Variants in GLDN observed in about 807,000 individuals in gnomAD.
GLDN encodes gliomedin, also known as collomin.
GLDN carries 47 observed loss-of-function variants against 56.5 expected under a neutral mutation model. That is an observed-to-expected ratio of 0.83 (90% CI 0.66 to 1.06). The LOEUF is 1.06. Among genes scored for constraint, GLDN ranks in the 50% least tolerant of loss-of-function variants. GLDN has a pLI of 0.00. For synonymous variants in GLDN, 332 were observed against 278.8 expected (o/e 1.19, Z -1.90); for missense variants, 782 against 714.3 (o/e 1.09, Z -1.08).
chr15:51,406,666 G>A lies in GLDN; in HGVS notation c.*1912G>A, dbSNP rs1301753153. The A allele has an allele frequency of 2.6e-5, 4 of 152,234 alleles. No individual in the cohort carries two copies. In the East Asian group the frequency reaches 7.7e-4, roughly 29 times the overall value. The allele number at this position is 152,234 out of a possible 1,614,324, so 9.4% of individuals were successfully genotyped here. On this transcript the variant is annotated 3_prime_UTR_variant, in exon 10 of 10. Coordinates refer to ENST00000335449, the MANE Select transcript of GLDN (RefSeq NM_181789.4). The stretch of plus-strand genomic sequence containing the variant: ...AAATATAAGAAAATAAAACTTAGGG[G>A]ATATACAGATTTAAATATTCAAATC...
chr15:51,398,195 C>T (rs2141128075), intron 6 of GLDN, among the ~76,000 whole-genome samples: 1 of 152,356 alleles, frequency 6.6e-6, no homozygotes, highest in Non-Finnish European at 1.5e-5. Flanking sequence ...CCCAGCTCTG[C>T]CTAACTGTAA....
intron 1 of GLDN, among the ~76,000 whole-genome samples, chr15:51,345,210 G>T (rs887987319): frequency 6.6e-6 from 1 of 152,158 alleles, no homozygotes; most frequent in African/African-American, 2.4e-5. Context: ...ATTTGCTGAT[G>T]TTCTGGTAGC....
chr15:51,377,461 G>A lies in GLDN; in HGVS notation c.376G>A (p.Val126Met), dbSNP rs533812739. Residue 126 changes from valine (V) to methionine (M), a missense_variant, in exon 2 of 10, where the codon GTG becomes ATG. Physicochemically the swap from Val to Met is conservative, Grantham distance 21. Coordinates refer to ENST00000335449, the MANE Select transcript of GLDN (RefSeq NM_181789.4). ...TYSMVPIRVMVDLCNSTKGIC... is the reference protein window; with the variant it reads ...TYSMVPIRVMMDLCNSTKGIC... ...CTCTCCCCTGCAGATCCGAGTGATG[G>A]TGGACCTGTGCAACAGCACCAAGGG... 344 of 1,613,962 alleles carry A rather than the reference G, an allele frequency of 2.1e-4. 3 individuals are homozygous for A. The South Asian group carries it at 3.0e-3, about 14-fold the overall frequency.
At chr15:51,369,011 C>T (rs1230317831) in intron 1 of GLDN, 1 of 152,190 alleles carries the variant, frequency 6.6e-6, no homozygotes, top group African/African-American at 2.4e-5. Context: ...AAAGGCAAGA[C>T]CCACATTCCC....
chr15:51,412,921 T>C (rs1010408524), downstream of GLDN, among the ~76,000 whole-genome samples: 5 of 152,196 alleles, frequency 3.3e-5, no homozygotes, highest in African/African-American at 1.2e-4. Context: ...TTGGCCCCTT[T>C]AAGAAAAGGT....
rs141699178 is a variant in GLDN at position 51,378,587 on chromosome 15, T to C, written c.415+1087T>C. Among the ~76,000 whole-genome samples the C allele has an allele frequency of 4.1e-4, 63 of 152,244 alleles. 2 individuals are homozygous for C. The highest frequency in any genetic ancestry group is 1.5e-3 in the African/African-American group (63 of 41,526). On this transcript the variant is annotated intron_variant, in intron 2 of 9. Coordinates refer to ENST00000335449, the MANE Select transcript of GLDN (RefSeq NM_181789.4). Reference sequence around the variant, plus strand: ...CAGTGAATGCATGGGACGGAGCTATTGAGACCACTTAGGAGAGATTGGCAG... The same window carrying C: ...CAGTGAATGCATGGGACGGAGCTATCGAGACCACTTAGGAGAGATTGGCAG...
At chr15:51,404,216 TAA>T (rs1311389978) in intron 9 of GLDN, 59 bp from the exon 10 acceptor site, 1 of 1,340,496 alleles carries the variant, frequency 7.5e-7, no homozygotes, top group African/African-American at 1.5e-5. Context: ...AGGAGCCTAA[TAA>T]ACCACCTGTC....
At chr15:51,357,951 T>C (rs2037218996) in intron 1 of GLDN, among the ~76,000 whole-genome samples, 1 of 152,156 alleles carries the variant, frequency 6.6e-6, no homozygotes. Flanking sequence ...CCTAGGGACC[T>C]GTCCCTCGTA....
intron 1 of GLDN, among the ~76,000 whole-genome samples, chr15:51,356,143 G>C (rs1225174505): frequency 2.0e-5 from 3 of 151,148 alleles, no homozygotes; most frequent in Admixed American, 6.6e-5. Flanking sequence ...GGAGGTGGAG[G>C]TTGCAGTGAG....
intron 2 of GLDN, among the ~76,000 whole-genome samples, chr15:51,378,714 C>T (rs748212479): frequency 1.3e-5 from 2 of 152,170 alleles, no homozygotes; most frequent in Non-Finnish European, 2.9e-5. Flanking sequence ...TTCATGCCAG[C>T]TTGAAATTGG....
intron 1 of GLDN, chr15:51,367,507 T>G (rs1429502521): frequency 6.6e-6 from 1 of 152,198 alleles, no homozygotes; most frequent in Non-Finnish European, 1.5e-5. Context: ...TATTAGAGAA[T>G]CAGGGCAATG....
At chr15:51,383,974 C>A in intron 4 of GLDN, 82 bp downstream of exon 4, 1 of 1,052,456 alleles carries the variant, frequency 9.5e-7, no homozygotes, top group Non-Finnish European at 1.4e-6. Flanking sequence ...CTGTGTGCAG[C>A]AGGGGTAAGG....
intron 9 of GLDN, among the ~76,000 whole-genome samples, chr15:51,402,295 A>G (rs17648140): frequency 0.3 from 45,213 of 152,094 alleles, 7,265 homozygotes; most frequent in East Asian, 0.43. Context: ...TGCCCAAGGC[A>G]GCCGCTGAGC....
intron 5 of GLDN, 152 bp downstream of exon 5, chr15:51,395,133 A>T: frequency 1.3e-6 from 1 of 749,544 alleles, no homozygotes; most frequent in South Asian, 2.5e-5. Flanking sequence ...TATGCTTTCA[A>T]AGAGGAGAAA....
chr15:51,362,274 C>G (rs2037314366), intron 1 of GLDN, among the ~76,000 whole-genome samples: 1 of 152,018 alleles, frequency 6.6e-6, no homozygotes, highest in Non-Finnish European at 1.5e-5. Flanking sequence ...CACCTGAGGT[C>G]AGGAGTTCGA....
intron 1 of GLDN, among the ~76,000 whole-genome samples, chr15:51,350,149 C>T (rs2037050400): frequency 6.6e-6 from 1 of 152,188 alleles, no homozygotes; most frequent in Admixed American, 6.5e-5. Context: ...AAGACAGAGG[C>T]ACCCTAAGAG....
intron 4 of GLDN, among the ~76,000 whole-genome samples, chr15:51,388,175 C>G (rs1461320740): frequency 6.6e-6 from 1 of 152,214 alleles, no homozygotes; most frequent in Non-Finnish European, 1.5e-5. Flanking sequence ...GCCCCTGTCT[C>G]ACCTACTCTG....
rs1265739388 is a variant in GLDN, at chr15:51,341,738, C to A, written c.54C>A (p.Gly18=). ...GGGACGCGGGTTGGGGCCTGCGTGG[C>A]GCCCTGGCGGCCGTGGCGCTGCTCT... ...GRGDAGWGLR[G]ALAAVALLSA... Residue 18 remains glycine, a synonymous_variant, in exon 1 of 10, where the codon GGC becomes GGA. Coordinates refer to ENST00000335449, the MANE Select transcript of GLDN (RefSeq NM_181789.4). The A allele has an allele frequency of 1.4e-6, 2 of 1,459,340 alleles. No individual in the cohort carries two copies. Among genetic ancestry groups the A allele is most frequent in the Non-Finnish European group, 1.8e-6 (2 of 1,118,302 alleles). 90.4% of individuals were successfully genotyped at this position (1,459,340 alleles called of 1,614,324 possible). A position where few individuals can be genotyped will look rare whatever the true frequency, so the allele number is the denominator to read the frequency against.
chr15:51,370,720 A>G (rs1481276125), intron 1 of GLDN, among the ~76,000 whole-genome samples: 1 of 152,112 alleles, frequency 6.6e-6, no homozygotes, highest in Non-Finnish European at 1.5e-5. Flanking sequence ...TGCCAGGTAC[A>G]GTGGCTCACG....
Sources: allele counts gnomAD v4.1 joint callset (sites outside exome capture counted in the v4.1 genomes callset), GRCh38; gene constraint gnomAD v4.1.1; transcripts MANE v1.5; gene names NCBI Gene and HGNC (gene_info 2026-07-23, HGNC 2026-07-21).